Variants in ADAMTSL1 observed in about 807,000 individuals in gnomAD.
ADAMTSL1 encodes the protein ADAMTS like 1.
Under a neutral mutation model 201.8 loss-of-function variants are expected in ADAMTSL1, and 126 were observed. That is an observed-to-expected ratio of 0.62 (90% CI 0.54 to 0.72). ADAMTSL1 has a LOEUF of 0.72. Among genes scored for constraint, ADAMTSL1 ranks in the 30% least tolerant of loss-of-function variants. ADAMTSL1 has a pLI of 0.00. For missense variants in ADAMTSL1, 2,679 were observed against 2,277.8 expected (o/e 1.18, Z -3.59); for synonymous variants, 1,121 against 903.4 (o/e 1.24, Z -4.32).
chr9:18,711,460 T>C (rs1424668676), intron 14 of ADAMTSL1, among the ~76,000 whole-genome samples: 1 of 152,254 alleles, frequency 6.6e-6, no homozygotes, highest in Non-Finnish European at 1.5e-5. Context: ...GGGAGTTCCC[T>C]TTCCTAGTCA....
At chr9:18,817,262 C>T (rs1426952216) in intron 21 of ADAMTSL1, 25 bp downstream of exon 21, 4 of 1,548,896 alleles carry the variant, frequency 2.6e-6, no homozygotes, top group Admixed American at 2.0e-5. Flanking sequence ...TTCATTTGTT[C>T]ACACGTTAAT....
At chr9:18,256,048 C>G (rs1478771804) in intron 2 of ADAMTSL1, among the ~76,000 whole-genome samples, 5 of 152,218 alleles carry the variant, frequency 3.3e-5, no homozygotes, top group Non-Finnish European at 7.3e-5. Flanking sequence ...TGAAGATGCT[C>G]TTCCAACCGA....
intron 1 of ADAMTSL1, among the ~76,000 whole-genome samples, chr9:17,986,753 G>A (rs918967608): frequency 1.3e-5 from 2 of 152,040 alleles, no homozygotes; most frequent in East Asian, 3.9e-4. Flanking sequence ...TAAACTCCAG[G>A]TGTGTATGCA....
At chr9:18,222,356 GTTTAT>G (rs1830292043) in intron 2 of ADAMTSL1, among the ~76,000 whole-genome samples, 1 of 151,342 alleles carries the variant, frequency 6.6e-6, no homozygotes, top group Non-Finnish European at 1.5e-5. Context: ...CTTTGGCTTG[GTTTAT>G]TTTATTTATT....
chr9:18,404,625 T>G (rs1410637214), intron 2 of ADAMTSL1, among the ~76,000 whole-genome samples: 1 of 152,230 alleles, frequency 6.6e-6, no homozygotes, highest in Non-Finnish European at 1.5e-5. Context: ...ACAAACAGTC[T>G]GAATATCTTA....
chr9:18,615,357 G>C (rs547711896), intron 4 of ADAMTSL1, among the ~76,000 whole-genome samples: 1 of 152,342 alleles, frequency 6.6e-6, no homozygotes, highest in Admixed American at 6.5e-5. Context: ...GTGTTGTTGG[G>C]GCTGAGCCCC....
intron 2 of ADAMTSL1, among the ~76,000 whole-genome samples, chr9:18,429,824 C>G (rs946942385): frequency 6.6e-6 from 1 of 152,028 alleles, no homozygotes; most frequent in Non-Finnish European, 1.5e-5. Flanking sequence ...GAGTCTCGCT[C>G]TGTCTCTCAG....
chr9:18,536,403 C>T (rs1382138583), intron 3 of ADAMTSL1, among the ~76,000 whole-genome samples: 2 of 151,082 alleles, frequency 1.3e-5, no homozygotes, highest in Non-Finnish European at 2.9e-5. Context: ...TCGTATTCCC[C>T]AGGGTAATAT....
intron 9 of ADAMTSL1, among the ~76,000 whole-genome samples, chr9:18,669,745 G>T (rs1193578851): frequency 6.6e-6 from 1 of 152,094 alleles, no homozygotes; most frequent in East Asian, 1.9e-4. Context: ...GCATACACTA[G>T]GAAGGGGCAG....
At chr9:18,759,360 A>G (rs1281369520) in intron 16 of ADAMTSL1, among the ~76,000 whole-genome samples, 1 of 152,232 alleles carries the variant, frequency 6.6e-6, no homozygotes, top group East Asian at 1.9e-4. Context: ...TAAAGTTTTC[A>G]TTTTCTAGAT....
At chr9:18,234,681 G>A (rs1830770715) in intron 2 of ADAMTSL1, among the ~76,000 whole-genome samples, 1 of 152,000 alleles carries the variant, frequency 6.6e-6, no homozygotes, top group Non-Finnish European at 1.5e-5. Flanking sequence ...TGGCAATATG[G>A]AAATTCAACC....
chr9:18,438,599 T>C (rs931135141), intron 2 of ADAMTSL1, among the ~76,000 whole-genome samples: 2 of 152,166 alleles, frequency 1.3e-5, no homozygotes, highest in African/African-American at 2.4e-5. Flanking sequence ...CCCTCTTGCA[T>C]TCGCTTTCTT....
At chr9:18,759,678 T>G (rs1819958591) in intron 16 of ADAMTSL1, among the ~76,000 whole-genome samples, 1 of 152,218 alleles carries the variant, frequency 6.6e-6, no homozygotes, top group Non-Finnish European at 1.5e-5. Context: ...TGGTTGTTTT[T>G]GTTTGTATTT....
intron 3 of ADAMTSL1, among the ~76,000 whole-genome samples, chr9:18,543,070 T>C (rs1285313314): frequency 6.6e-6 from 1 of 152,204 alleles, no homozygotes; most frequent in Non-Finnish European, 1.5e-5. Flanking sequence ...CTGGCAACTA[T>C]CATGGCTTGG....
At chr9:18,221,288 T>A (rs1398133148) in intron 2 of ADAMTSL1, among the ~76,000 whole-genome samples, 1 of 152,176 alleles carries the variant, frequency 6.6e-6, no homozygotes, top group East Asian at 1.9e-4. Context: ...TTATTTTTGT[T>A]GGTCTTTTGG....
At chr9:17,919,662 C>T (rs1382018239) in intron 1 of ADAMTSL1, among the ~76,000 whole-genome samples, 3 of 152,076 alleles carry the variant, frequency 2.0e-5, no homozygotes, top group Non-Finnish European at 4.4e-5. Context: ...TCATTCCTTT[C>T]TATGGCTGAG....
chr9:18,178,009 G>A (rs1828254628), intron 2 of ADAMTSL1, among the ~76,000 whole-genome samples: 1 of 152,122 alleles, frequency 6.6e-6, no homozygotes, highest in Non-Finnish European at 1.5e-5. Context: ...TTAGATAGTG[G>A]TCGGGAAGAG....
intron 15 of ADAMTSL1, among the ~76,000 whole-genome samples, chr9:18,746,811 C>A (rs551854288): frequency 6.6e-6 from 1 of 151,226 alleles, no homozygotes; most frequent in Non-Finnish European, 1.5e-5. Context: ...TTTTGTATAG[C>A]TAATACAAAC....
chr9:18,463,398 A>G (rs1327063390), intron 2 of ADAMTSL1, among the ~76,000 whole-genome samples: 2 of 151,976 alleles, frequency 1.3e-5, no homozygotes, highest in Non-Finnish European at 2.9e-5. Context: ...TGTGATGTGA[A>G]TTTTACTAAT....
Sources: gnomAD v4.1 joint callset for allele counts (sites outside exome capture counted in the v4.1 genomes callset) on GRCh38, gnomAD v4.1.1 for gene constraint, MANE v1.5 for transcripts, NCBI Gene and HGNC (gene_info 2026-07-23, HGNC 2026-07-21) for gene names.